THEMIS: variants seen among roughly 807,000 people sequenced by gnomAD.
The protein encoded by THEMIS is thymocyte selection associated.
THEMIS carries 37 observed loss-of-function variants against 52.6 expected under a neutral mutation model. The observed-to-expected ratio is 0.70, with a 90% CI of 0.54 to 0.93. THEMIS has a LOEUF of 0.93. THEMIS is among the 40% of genes least tolerant of loss of function. THEMIS has a pLI of 0.00. For synonymous variants in THEMIS, 292 were observed against 272.7 expected (o/e 1.07, Z -0.70); for missense variants, 808 against 763.1 (o/e 1.06, Z -0.69).
upstream of THEMIS, among the ~76,000 whole-genome samples, chr6:127,904,524 T>C (rs1249266227): frequency 6.6e-6 from 1 of 152,078 alleles, no homozygotes; most frequent in African/African-American, 2.4e-5. Flanking sequence ...CTGCCCCTAT[T>C]CTTGCTGCCA....
chr6:127,771,473 A>T (rs1224951047), intron 4 of THEMIS, among the ~76,000 whole-genome samples: 1 of 152,158 alleles, frequency 6.6e-6, no homozygotes, highest in East Asian at 1.9e-4. Context: ...CTAAGCAAAA[A>T]GAAGAAAGCT....
intron 2 of THEMIS, among the ~76,000 whole-genome samples, chr6:127,844,459 G>T (rs200681851): frequency 1.3e-5 from 2 of 151,740 alleles, no homozygotes; most frequent in African/African-American, 2.4e-5. Flanking sequence ...AATTCATAGA[G>T]TATAGTCTAA....
intron 4 of THEMIS, among the ~76,000 whole-genome samples, chr6:127,777,324 GT>G (rs1481385889): frequency 6.6e-6 from 1 of 151,752 alleles, no homozygotes; most frequent in African/African-American, 2.4e-5. Flanking sequence ...ACTTTTAGAG[GT>G]TGCTTTAGGT....
At chr6:127,917,302 A>C (rs1781546976) in intron 1 of THEMIS, among the ~76,000 whole-genome samples, 1 of 152,216 alleles carries the variant, frequency 6.6e-6, no homozygotes, top group South Asian at 2.1e-4. Flanking sequence ...CAGGCAATAG[A>C]TGCTTCTAGT....
At chr6:127,767,430 T>A (rs932258183) in intron 4 of THEMIS, among the ~76,000 whole-genome samples, 2 of 152,158 alleles carry the variant, frequency 1.3e-5, no homozygotes, top group African/African-American at 2.4e-5. Flanking sequence ...AAGCTTTTTT[T>A]TCAATGTTTA....
At chr6:127,828,417 G>T (rs538076434) in intron 3 of THEMIS, among the ~76,000 whole-genome samples, 2 of 152,146 alleles carry the variant, frequency 1.3e-5, no homozygotes, top group Middle Eastern at 3.4e-3. Context: ...GAAAAGGTAG[G>T]CAAAAGAGTA....
At chr6:127,840,620 GTTCT>G (rs1779015724) in intron 2 of THEMIS, among the ~76,000 whole-genome samples, 1 of 152,040 alleles carries the variant, frequency 6.6e-6, no homozygotes, top group African/African-American at 2.4e-5. Context: ...AAAAACTCGG[GTTCT>G]TTATCTTCAC....
chr6:127,795,781 AC>A (rs1338987965), intron 4 of THEMIS, among the ~76,000 whole-genome samples: 2 of 152,216 alleles, frequency 1.3e-5, no homozygotes, highest in African/African-American at 2.4e-5. Context: ...GCAGTTCTTG[AC>A]ACTGAAATTG....
intron 2 of THEMIS, among the ~76,000 whole-genome samples, chr6:127,831,069 A>G (rs1217090339): frequency 2.0e-5 from 3 of 152,178 alleles, no homozygotes; most frequent in Admixed American, 6.5e-5. Context: ...TCTTGACTAT[A>G]TGTCAATTGT....
Position 127,733,129 on chromosome 6 carries a change from T to C in THEMIS, c.1759-13306A>G, listed in dbSNP as rs187216813. Among the ~76,000 whole-genome samples the C allele has an allele frequency of 3.3e-5, 5 of 152,368 alleles. No homozygotes were observed. In the East Asian group the frequency reaches 7.7e-4, roughly 24 times the overall value. ...TTATATTGCTCATTGGAAGTACTTA[T>C]TGTGAAATACCTAATTTGTGAAGTA... On this transcript the variant is annotated intron_variant, in intron 4 of 5. Transcript: ENST00000368248.
intron 4 of THEMIS, among the ~76,000 whole-genome samples, chr6:127,757,287 A>G (rs965528433): frequency 6.6e-6 from 1 of 152,236 alleles, no homozygotes; most frequent in Non-Finnish European, 1.5e-5. Context: ...GGGTAAATAT[A>G]CAAATTTTTT....
downstream of THEMIS, among the ~76,000 whole-genome samples, chr6:127,703,152 A>C (rs535995595): frequency 7.3e-6 from 1 of 136,732 alleles, no homozygotes; most frequent in Non-Finnish European, 1.5e-5. Flanking sequence ...GGTTCACGCC[A>C]TTCTCCTGCC....
intron 1 of THEMIS, among the ~76,000 whole-genome samples, chr6:127,885,804 T>A (rs1780627481): frequency 6.6e-6 from 1 of 152,154 alleles, no homozygotes; most frequent in Non-Finnish European, 1.5e-5. Context: ...TAAACACAAC[T>A]ATGCTTTGAC....
At chr6:127,837,158 C>T (rs1038091296) in intron 2 of THEMIS, among the ~76,000 whole-genome samples, 1 of 151,940 alleles carries the variant, frequency 6.6e-6, no homozygotes, top group Non-Finnish European at 1.5e-5. Flanking sequence ...ATAAAGTATA[C>T]ACAAAAAGAC....
At chr6:127,903,399 G>A (rs1424244171), upstream of THEMIS, among the ~76,000 whole-genome samples, 6 of 151,454 alleles carry the variant, frequency 4.0e-5, no homozygotes, top group Non-Finnish European at 7.4e-5. Context: ...ATAGATTAAC[G>A]AGAATTTTAA....
chr6:127,839,321 A>G (rs1778968618), intron 2 of THEMIS, among the ~76,000 whole-genome samples: 1 of 152,106 alleles, frequency 6.6e-6, no homozygotes, highest in Non-Finnish European at 1.5e-5. Context: ...CTAAGTGTTT[A>G]TAAATGGAAA....
chr6:127,887,742 A>G (rs185491792), intron 1 of THEMIS, among the ~76,000 whole-genome samples: 4 of 152,274 alleles, frequency 2.6e-5, no homozygotes, highest in Non-Finnish European at 5.9e-5. Flanking sequence ...TAATTCTTTA[A>G]GATGATGAAA....
At chr6:127,716,073 T>C (rs1774149161) in intron 5 of THEMIS, among the ~76,000 whole-genome samples, 1 of 151,868 alleles carries the variant, frequency 6.6e-6, no homozygotes, top group African/African-American at 2.4e-5. Flanking sequence ...TAGTGTAAAG[T>C]TGTAGGGAAA....
the THEMIS span, among the ~76,000 whole-genome samples, chr6:127,699,825 G>A: frequency 8.6e-5 from 13 of 151,706 alleles, no homozygotes; most frequent in African/African-American, 2.7e-4. Context: ...AACTCAAACA[G>A]ATCATATACC....
Sources: allele counts gnomAD v4.1 joint callset (sites outside exome capture counted in the v4.1 genomes callset), GRCh38; gene constraint gnomAD v4.1.1; transcripts MANE v1.5; gene names NCBI Gene and HGNC (gene_info 2026-07-23, HGNC 2026-07-21).